TEAD4: variants seen among roughly 807,000 people sequenced by gnomAD.
TEAD4 encodes the protein TEA domain transcription factor 4.
In TEAD4, 36 loss-of-function variants were observed where a neutral mutation model predicts 52.4. The observed-to-expected ratio is 0.69, with a 90% confidence interval of 0.53 to 0.91. The LOEUF (loss-of-function observed/expected upper bound fraction) is 0.91, where lower values mean the gene tolerates loss of function less well. Among genes scored for constraint, TEAD4 ranks in the 40% least tolerant of loss-of-function variants. TEAD4 has a pLI of 0.00. For synonymous variants in TEAD4, 220 were observed against 231.0 expected, an observed-to-expected ratio of 0.95 and a Z score of 0.43; for missense variants, 508 against 583.9, an observed-to-expected ratio of 0.87 and a Z score of 1.34.
Position 3,016,051 on chromosome 12 carries a change from A to G in TEAD4, c.355-1347A>G, listed in dbSNP as rs558877137. ...AAGATATTTATTTATTTATTTAGACAGATTCTTGCTCCGTTGCCCAGGCTG... is the reference window on the plus strand; with the variant it reads ...AAGATATTTATTTATTTATTTAGACGGATTCTTGCTCCGTTGCCCAGGCTG... On this transcript the variant is annotated intron_variant, in intron 5 of 12. Coordinates refer to ENST00000359864, the MANE Select transcript of TEAD4 (RefSeq NM_003213.4). Among the ~76,000 whole-genome samples, 9 of 151,450 alleles carry G rather than the reference A, an allele frequency of 5.9e-5. No individual in the cohort carries two copies. The East Asian group carries it at 1.8e-3, about 30-fold the overall frequency.
chr12:3,008,001 T>C (rs1017118875), intron 3 of TEAD4, among the ~76,000 whole-genome samples: 2 of 152,238 alleles, frequency 1.3e-5, no homozygotes, highest in African/African-American at 4.8e-5. Flanking sequence ...AAGTATTTAT[T>C]GAGCGCCTAC....
At chr12:2,985,517 T>G (rs903742891) in intron 2 of TEAD4, among the ~76,000 whole-genome samples, 2 of 137,444 alleles carry the variant, frequency 1.5e-5, no homozygotes, top group South Asian at 5.1e-4. Context: ...TTTTTTTTTT[T>G]TTTTTTGAGA....
At chr12:2,985,073 T>G (rs2098236978) in intron 2 of TEAD4, among the ~76,000 whole-genome samples, 1 of 152,246 alleles carries the variant, frequency 6.6e-6, no homozygotes, top group Admixed American at 6.5e-5. Context: ...TATAAACTTC[T>G]TAATTTTTTG....
At chr12:2,964,533 C>A (rs568806841) in intron 2 of TEAD4, among the ~76,000 whole-genome samples, 54 of 151,770 alleles carry the variant, frequency 3.6e-4, no homozygotes, top group African/African-American at 1.3e-3. Context: ...TCTTGGCACA[C>A]CACAACGTCT....
intron 10 of TEAD4, among the ~76,000 whole-genome samples, chr12:3,031,007 T>C (rs7304133): frequency 0.7 from 106,851 of 152,200 alleles, 43,753 homozygotes; most frequent in East Asian, 0.94. Context: ...GCAAGACGCA[T>C]GTGCCTCCTG....
At chr12:3,003,171 G>A (rs1393622707) in intron 3 of TEAD4, among the ~76,000 whole-genome samples, 1 of 152,072 alleles carries the variant, frequency 6.6e-6, no homozygotes, top group African/African-American at 2.4e-5. Flanking sequence ...GAGGCCTACA[G>A]TGAACCAAAG....
intron 2 of TEAD4, among the ~76,000 whole-genome samples, chr12:2,977,151 C>T (rs574919715): frequency 3.9e-5 from 6 of 152,112 alleles, no homozygotes; most frequent in Admixed American, 2.6e-4. Context: ...TGCACTGGTG[C>T]CTCTTCAGTG....
intron 2 of TEAD4, among the ~76,000 whole-genome samples, chr12:2,977,421 C>G (rs1160223039): frequency 6.6e-6 from 1 of 152,182 alleles, no homozygotes; most frequent in African/African-American, 2.4e-5. Context: ...ATCTCCTTAG[C>G]CTGGGAAGGA....
At chr12:2,997,397 G>T (rs952963784) in intron 3 of TEAD4, among the ~76,000 whole-genome samples, 1 of 152,212 alleles carries the variant, frequency 6.6e-6, no homozygotes, top group African/African-American at 2.4e-5. Flanking sequence ...GCACCTGGGG[G>T]TGCCTGGTGT....
At chr12:3,028,590 C>T (rs1029029200) in intron 10 of TEAD4, among the ~76,000 whole-genome samples, 1 of 151,962 alleles carries the variant, frequency 6.6e-6, no homozygotes, top group South Asian at 2.1e-4. Flanking sequence ...ACTGGCCATT[C>T]GTATATCTTC....
intron 2 of TEAD4, among the ~76,000 whole-genome samples, chr12:2,967,900 G>T (rs912514513): frequency 1.3e-5 from 2 of 152,156 alleles, no homozygotes; most frequent in African/African-American, 4.8e-5. Flanking sequence ...GTGGGCCAGT[G>T]CTGTGGTAAG....
chr12:2,962,327 A>AAATATATAAATATAT (rs1565518203), intron 2 of TEAD4, among the ~76,000 whole-genome samples: 15 of 112,748 alleles, frequency 1.3e-4, no homozygotes, highest in Middle Eastern at 4.0e-3. Flanking sequence ...TATATATATA[A>AAATATATAAATATAT]ATATAAATAT....
At chr12:2,998,665 G>GGGA (rs1204377986) in intron 3 of TEAD4, among the ~76,000 whole-genome samples, 1 of 152,080 alleles carries the variant, frequency 6.6e-6, no homozygotes, top group East Asian at 1.9e-4. Context: ...CCTTCAAGGA[G>GGGA]GGAGGAATGG....
At chr12:2,960,361 G>C (rs930119571) in intron 2 of TEAD4, 4 of 985,620 alleles carry the variant, frequency 4.1e-6, no homozygotes, top group Non-Finnish European at 4.8e-6. Flanking sequence ...GAGGTAAGCG[G>C]ACTGCCTGTT....
At chr12:2,979,515 G>A (rs1339097807) in intron 2 of TEAD4, among the ~76,000 whole-genome samples, 3 of 152,218 alleles carry the variant, frequency 2.0e-5, no homozygotes, top group Non-Finnish European at 4.4e-5. Flanking sequence ...AGCTGGGAGC[G>A]TGCGCGTCAG....
At chr12:2,970,297 G>T (rs117052516) in intron 2 of TEAD4, among the ~76,000 whole-genome samples, 1 of 152,198 alleles carries the variant, frequency 6.6e-6, no homozygotes, top group Non-Finnish European at 1.5e-5. Flanking sequence ...GCGAGTGGTC[G>T]TGGTTGGCAC....
intron 2 of TEAD4, among the ~76,000 whole-genome samples, chr12:2,960,842 A>G (rs1176748045): frequency 3.9e-5 from 6 of 152,186 alleles, no homozygotes; most frequent in Non-Finnish European, 5.9e-5. Flanking sequence ...GCCGTGGGCA[A>G]GAGTCAGTGT....
intron 2 of TEAD4, among the ~76,000 whole-genome samples, chr12:2,989,545 T>G (rs1222259399): frequency 1.3e-5 from 2 of 152,094 alleles, no homozygotes; most frequent in African/African-American, 4.8e-5. Context: ...TTCAAGTGAT[T>G]CTCATGCCTC....
intron 5 of TEAD4, 74 bp from the exon 6 acceptor site, chr12:3,017,324 C>T (rs117968083): frequency 0.034 from 54,978 of 1,601,594 alleles, 1,102 homozygotes; most frequent in Non-Finnish European, 0.041. Flanking sequence ...TTCCCTGACC[C>T]GAGGGCCGGA....
Sources: gnomAD v4.1 joint callset for allele counts (sites outside exome capture counted in the v4.1 genomes callset) on GRCh38, gnomAD v4.1.1 for gene constraint, MANE v1.5 for transcripts, NCBI Gene and HGNC (gene_info 2026-07-23, HGNC 2026-07-21) for gene names.